Variants in PAX2 observed in about 807,000 individuals in gnomAD.
The protein encoded by PAX2 is paired box 2, also known as paired box protein Pax-2.
A neutral mutation model predicts 41.7 loss-of-function variants in PAX2; 9 were observed. The ratio of observed to expected loss-of-function variants is 0.22; its 90% CI spans 0.13 to 0.38. The LOEUF (loss-of-function observed/expected upper bound fraction) is 0.38, where lower values mean the gene tolerates loss of function less well. PAX2 is among the 10% of genes least tolerant of loss of function. The pLI, the probability that PAX2 is intolerant of heterozygous loss-of-function variation, is 1.00. For missense variants in PAX2, 418 were observed against 531.6 expected (o/e 0.79, Z 2.10); for synonymous variants, 221 against 212.7 (o/e 1.04, Z -0.34).
chr10:100,794,134 T>C (rs1186994117), intron 5 of PAX2, among the ~76,000 whole-genome samples: 1 of 152,226 alleles, frequency 6.6e-6, no homozygotes, highest in Non-Finnish European at 1.5e-5. Flanking sequence ...CCACTCACCA[T>C]AGAACTCTTT....
rs1235296829 is a variant in PAX2, at chr10:100,824,229, G to T, written c.920-419G>T. Among the ~76,000 whole-genome samples the T allele has an allele frequency of 6.6e-6, 1 of 151,992 alleles. No homozygotes were observed. Among genetic ancestry groups the T allele is most frequent in the Non-Finnish European group, 1.5e-5 (1 of 67,994 alleles). ...GAGGAAAGATAAGCAAGATGATAGA[G>T]GTCCATTTGGCTGCTGGAGAGACCA... On this transcript the variant is annotated intron_variant, in intron 7 of 9. Coordinates refer to ENST00000355243, the MANE Select transcript of PAX2 (RefSeq NM_000278.5). This position sits in a 1 kb window ranked among gnomAD's most constrained non-coding sequence, Gnocchi z 6.6.
At chr10:100,737,679 T>G (rs914042066) in intron 1 of PAX2, among the ~76,000 whole-genome samples, 5 of 152,046 alleles carry the variant, frequency 3.3e-5, no homozygotes, top group African/African-American at 9.7e-5. Context: ...TCTTTCTCTT[T>G]TCACCGCCCC....
At chr10:100,813,925 A>C (rs1848091922) in intron 7 of PAX2, among the ~76,000 whole-genome samples, 1 of 152,240 alleles carries the variant, frequency 6.6e-6, no homozygotes, top group South Asian at 2.1e-4. Context: ...TACACATCTC[A>C]TGTGAATACA....
chr10:100,769,466 A>G (rs890079659), intron 3 of PAX2, among the ~76,000 whole-genome samples: 3 of 151,834 alleles, frequency 2.0e-5, no homozygotes, highest in African/African-American at 7.3e-5. Context: ...TGTCTCTACT[A>G]AAAATACAAA....
rs1845175792 is a variant in PAX2 at position 100,746,387 on chromosome 10, G to A, written c.43+84G>A. 1.9e-5 allele frequency: 18 copies of A among 953,700 alleles called. No individual in the cohort carries two copies. The South Asian group carries it at 2.3e-4, about 12-fold the overall frequency. 59.1% of individuals were successfully genotyped at this position (953,700 alleles called of 1,614,324 possible). On this transcript the variant is annotated intron_variant, in intron 1 of 9. Coordinates refer to ENST00000355243, the MANE Select transcript of PAX2 (RefSeq NM_000278.5). ...AGTCCCAGCGTGGCCCCGGCCCCTC[G>A]CGCTCAGGTCCCATCTTGGAGGCCT... is the stretch of plus-strand genomic sequence containing the variant.
chr10:100,825,902 A>G (rs1012489326), intron 8 of PAX2, among the ~76,000 whole-genome samples: 4 of 149,750 alleles, frequency 2.7e-5, no homozygotes, highest in African/African-American at 9.9e-5. Context: ...AGAAACTCCC[A>G]GCAGTGAGCA....
chr10:100,802,061 G>A (rs12261691), intron 5 of PAX2, among the ~76,000 whole-genome samples: 4,157 of 152,258 alleles, frequency 0.027, 210 homozygotes, highest in African/African-American at 0.096. Flanking sequence ...GCTGGGCAGG[G>A]GGCAGACGGA....
intron 5 of PAX2, among the ~76,000 whole-genome samples, chr10:100,806,090 T>TG (rs1847770691): frequency 6.6e-6 from 1 of 152,142 alleles, no homozygotes; most frequent in Non-Finnish European, 1.5e-5. Flanking sequence ...GGCCCTGGCT[T>TG]GGGGGCAGGG....
At chr10:100,766,422 A>G (rs535092278) in intron 3 of PAX2, among the ~76,000 whole-genome samples, 5 of 152,182 alleles carry the variant, frequency 3.3e-5, no homozygotes, top group African/African-American at 1.2e-4. Context: ...GCCACAGAGT[A>G]GAGTGGAATG....
chr10:100,746,379 G>C, intron 1 of PAX2, 76 bp downstream of exon 1: 1 of 1,028,548 alleles, frequency 9.7e-7, no homozygotes, highest in Non-Finnish European at 1.5e-6. Context: ...GCGTGGCCCC[G>C]GCCCCTCGCG....
chr10:100,767,189 C>T (rs1476018720), intron 3 of PAX2, among the ~76,000 whole-genome samples: 1 of 152,218 alleles, frequency 6.6e-6, no homozygotes, highest in Admixed American at 6.5e-5. Flanking sequence ...CATGGGCAGA[C>T]ACACACAGAG....
chr10:100,772,567 C>A (rs1846254284), intron 3 of PAX2, among the ~76,000 whole-genome samples: 1 of 152,242 alleles, frequency 6.6e-6, no homozygotes, highest in Admixed American at 6.5e-5. Context: ...ATGGGGCCAG[C>A]TAGTCTGGCA....
At chr10:100,825,609 C>G (rs1376153091) in intron 8 of PAX2, among the ~76,000 whole-genome samples, 1 of 152,172 alleles carries the variant, frequency 6.6e-6, no homozygotes, top group East Asian at 1.9e-4. Context: ...CAACTCACTC[C>G]CTCTGGCCGC....
intron 3 of PAX2, among the ~76,000 whole-genome samples, chr10:100,757,977 G>T (rs905535546): frequency 6.6e-6 from 1 of 152,178 alleles, no homozygotes; most frequent in African/African-American, 2.4e-5. Context: ...CGAGGCCGTA[G>T]AGCCAGGGTC....
chr10:100,769,098 A>G (rs545794467), intron 3 of PAX2, among the ~76,000 whole-genome samples: 14 of 152,182 alleles, frequency 9.2e-5, no homozygotes, highest in Non-Finnish European at 1.9e-4. Context: ...TTAGCCGCAT[A>G]AGTTCTAGAG....
At chr10:100,770,772 A>G (rs1425465134) in intron 3 of PAX2, among the ~76,000 whole-genome samples, 2 of 152,208 alleles carry the variant, frequency 1.3e-5, no homozygotes, top group Admixed American at 6.5e-5. Context: ...AATTATTTCA[A>G]TTTTTAACCT....
intron 7 of PAX2, among the ~76,000 whole-genome samples, chr10:100,822,239 T>C (rs983255116): frequency 1.3e-5 from 2 of 152,196 alleles, no homozygotes; most frequent in Non-Finnish European, 1.5e-5. Flanking sequence ...AAAGTCATTC[T>C]ATTGCATAAT....
Position 100,746,049 on chromosome 10 carries a change from G to C in PAX2, c.-212G>C. 6.9e-7 allele frequency: 1 copy of C among 1,457,892 alleles called. No individual in the cohort carries two copies. The allele number at this position is 1,457,892 out of a possible 1,614,324, so 90.3% of individuals were successfully genotyped here. On this transcript the variant is annotated 5_prime_UTR_variant, in exon 1 of 10. Transcript: ENST00000355243. ...CCGAGCCCCGACAGTGGCAAGTTGCGGCTACTGCAGTTGCAAGCTCCGGCC... is the reference window on the plus strand; with the variant it reads ...CCGAGCCCCGACAGTGGCAAGTTGCCGCTACTGCAGTTGCAAGCTCCGGCC...
upstream of PAX2, among the ~76,000 whole-genome samples, chr10:100,741,592 C>T (rs1844960267): frequency 6.6e-6 from 1 of 152,110 alleles, no homozygotes; most frequent in Non-Finnish European, 1.5e-5. Context: ...GGGTATGCGC[C>T]CTGGGGTGCG....
Sources: gnomAD v4.1 joint callset for allele counts (sites outside exome capture counted in the v4.1 genomes callset) on GRCh38, gnomAD v4.1.1 for gene constraint, Gnocchi (gnomAD v3.1) non-coding constraint, MANE v1.5 for transcripts, NCBI Gene and HGNC (gene_info 2026-07-23, HGNC 2026-07-21) for gene names.